The following TRRAP variants were observed in gnomAD, a reference collection of about 807,000 sequenced individuals.
TRRAP encodes the protein transformation/transcription domain associated protein.
A neutral mutation model predicts 438.8 loss-of-function variants in TRRAP; 41 were observed. That is an observed-to-expected ratio of 0.09 (90% confidence interval 0.07 to 0.12). The LOEUF (loss-of-function observed/expected upper bound fraction) is 0.12, where lower values mean the gene tolerates loss of function less well. Among genes scored for constraint, TRRAP ranks in the 10% least tolerant of loss-of-function variants. TRRAP has a pLI of 1.00. For synonymous variants in TRRAP, 1,994 were observed against 1,962.9 expected, an observed-to-expected ratio of 1.02 and a Z score of -0.42; for missense variants, 3,122 against 5,055.1, an observed-to-expected ratio of 0.62 and a Z score of 11.60.
chr7:98,880,966 A>G lies in TRRAP; in HGVS notation c.-61-124A>G, dbSNP rs78635431. 1.4e-3 allele frequency: 573 copies of G among 415,118 alleles called. 13 individuals are homozygous for G. In the East Asian group the frequency reaches 0.02, roughly 15 times the overall value. The allele number at this position is 415,118 out of a possible 1,614,324, so 25.7% of individuals were successfully genotyped here. The stretch of plus-strand genomic sequence containing the variant: ...CTTCATATTAAAAAAACCAGAAGGA[A>G]TAGTGTTAGATTCTGGATTAAGATG... On this transcript the variant is annotated intron_variant, in intron 1 of 72. Coordinates refer to ENST00000456197, the MANE Select transcript of TRRAP (RefSeq NM_001375524.1).
rs1794290494 is a variant in TRRAP at position 99,008,435 on chromosome 7, A to T, written c.10812A>T (p.Ser3604=). The T allele has an allele frequency of 6.2e-7, 1 of 1,612,986 alleles. No individual in the cohort carries two copies. ...GCCTCGTGGAGGACAACCCCTCTTCACTTTCCCTTGTGGAGATCTACAAGC... is the reference window on the plus strand; with the variant it reads ...GCCTCGTGGAGGACAACCCCTCTTCTCTTTCCCTTGTGGAGATCTACAAGC... The part of the protein sequence containing the change: ...QMRLVEDNPS[S]LSLVEIYKQR... Residue 3604 remains serine, a synonymous_variant, in exon 70 of 73, where the codon TCA becomes TCT. Transcript: ENST00000456197.
chr7:98,935,606 T>A lies in TRRAP; in HGVS notation c.4042T>A (p.Ser1348Thr). 2 of 1,603,006 alleles carry A rather than the reference T, an allele frequency of 1.2e-6. No homozygotes were observed. The highest frequency in any genetic ancestry group is 4.5e-5 in the East Asian group (2 of 44,554). ...GTTGAATTTGTGTGAGGCTGAAGAT[T>A]CAGCTTTAACAAAGCTGCCCTGTTA... Reference protein sequence around the residue: ...ELLNLCEAEDSALTKLPCYKS... With the variant: ...ELLNLCEAEDTALTKLPCYKS... The change falls in exon 28 of 73, where the codon TCA becomes ACA. Residue 1348 changes from serine to threonine, a missense_variant. By Grantham distance (58) the Ser-to-Thr change is moderately conservative. This residue lies in a region of TRRAP where 84 missense variants were observed against 119.8 expected (regional missense o/e 0.70). Coordinates refer to ENST00000456197, the MANE Select transcript of TRRAP (RefSeq NM_001375524.1).
chr7:98,938,738 A>AC (rs1554414890), intron 30 of TRRAP, among the ~76,000 whole-genome samples: 1 of 152,202 alleles, frequency 6.6e-6, no homozygotes, highest in Non-Finnish European at 1.5e-5. Flanking sequence ...TTCATTATAT[A>AC]CCATGATGCA....
intron 62 of TRRAP, among the ~76,000 whole-genome samples, chr7:98,987,074 C>T (rs1431406937): frequency 6.6e-6 from 1 of 152,128 alleles, no homozygotes; most frequent in Non-Finnish European, 1.5e-5. Flanking sequence ...CACTTGAGCC[C>T]AGGAGTTTGA....
At chr7:98,898,386 TGTATC>T (rs2116338823) in intron 8 of TRRAP, among the ~76,000 whole-genome samples, 1 of 152,352 alleles carries the variant, frequency 6.6e-6, no homozygotes, top group African/African-American at 2.4e-5. Flanking sequence ...CCGCAGGTAA[TGTATC>T]GTATATTTGT....
rs1259558725 is a variant in TRRAP, at chr7:98,994,877, A to G, written c.10309+29A>G. The G allele has an allele frequency of 6.2e-7, 1 of 1,604,632 alleles. No homozygotes were observed. Among genetic ancestry groups the G allele is most frequent in the Admixed American group, 1.7e-5 (1 of 59,708 alleles). On this transcript the variant is annotated intron_variant, in intron 67 of 72. Transcript: ENST00000456197. The surrounding 1 kb of genome is among the most constrained non-coding windows in gnomAD (Gnocchi z 4.8). ...AGTCTCCATTTTCCTTCCCTTCCATAGGGAGAATTGTGCACGCTGATTTCC... is the reference window on the plus strand; with the variant it reads ...AGTCTCCATTTTCCTTCCCTTCCATGGGGAGAATTGTGCACGCTGATTTCC...
At chr7:98,931,371 C>T in intron 25 of TRRAP, 34 bp from the exon 26 acceptor site, 1 of 1,604,788 alleles carries the variant, frequency 6.2e-7, no homozygotes, top group Non-Finnish European at 8.5e-7. Flanking sequence ...GTGGCATCGC[C>T]CTGCTTTCAT....
At chr7:98,973,831 G>A (rs945104401) in intron 53 of TRRAP, among the ~76,000 whole-genome samples, 2 of 152,320 alleles carry the variant, frequency 1.3e-5, no homozygotes, top group East Asian at 1.9e-4. Flanking sequence ...CTGGTGTGCC[G>A]CCCACTTGCT....
At chr7:99,003,600 G>A (rs139032825) in intron 67 of TRRAP, among the ~76,000 whole-genome samples, 10 of 152,310 alleles carry the variant, frequency 6.6e-5, no homozygotes, top group African/African-American at 2.4e-4. Context: ...TTGCCTCAAC[G>A]GCATTGTTCC....
chr7:98,965,956 CATCTTGGTCTTTCTGA>C lies in TRRAP; in HGVS notation c.7176+63_7176+78del, dbSNP rs1230614432. ...CAATAAAAGAAAATTCAAGCCTCAA[CATCTTGGTCTTTCTGA>C]AACTTGAAGCAAAACATTTTTTTCT... On this transcript the variant is annotated intron_variant, in intron 49 of 72. Coordinates refer to ENST00000456197, the MANE Select transcript of TRRAP (RefSeq NM_001375524.1). 7 of 1,573,398 alleles carry C rather than the reference CATCTTGGTCTTTCTGA, an allele frequency of 4.4e-6. No homozygotes were observed. The African/African-American group carries it at 8.1e-5, about 18-fold the overall frequency.
chr7:99,005,426 C>A lies in TRRAP; in HGVS notation c.10753+78C>A. On this transcript the variant is annotated intron_variant, in intron 69 of 72. Coordinates refer to ENST00000456197, the MANE Select transcript of TRRAP (RefSeq NM_001375524.1). The surrounding 1 kb of genome is among the most constrained non-coding windows in gnomAD (Gnocchi z 5.1). ...GATGAGAGCCACACCTCGTGGGGTGCACAGGCAGCTCACGTTAGCCTTTGA... is the reference window on the plus strand; with the variant it reads ...GATGAGAGCCACACCTCGTGGGGTGAACAGGCAGCTCACGTTAGCCTTTGA... 1 of 1,390,938 alleles carries A rather than the reference C, an allele frequency of 7.2e-7. No homozygotes were observed. The highest frequency in any genetic ancestry group is 1.0e-6 in the Non-Finnish European group (1 of 983,608). 86.2% of individuals were successfully genotyped at this position (1,390,938 alleles called of 1,614,324 possible).
In TRRAP at chr7:98,897,730, C is replaced by A. The variant is rs1554405993; in HGVS notation, c.508-11C>A. The A allele has an allele frequency of 1.2e-6, 2 of 1,604,186 alleles. No individual in the cohort carries two copies. Among genetic ancestry groups the A allele is most frequent in the African/African-American group, 1.3e-5 (1 of 74,188 alleles). ...ACTTTAGGAAAAAATATTTTTATGA[C>A]TTTTATGTAGAACCGCTACTTTGAG... On this transcript the variant is annotated splice_polypyrimidine_tract_variant and intron_variant, in intron 7 of 72. Transcript: ENST00000456197.
intron 53 of TRRAP, among the ~76,000 whole-genome samples, chr7:98,973,375 C>T (rs2116717333): frequency 6.6e-6 from 1 of 152,360 alleles, no homozygotes; most frequent in Non-Finnish European, 1.5e-5. Context: ...ATCACCACGT[C>T]ATCAGGTGCC....
At chr7:99,001,982 G>A (rs1410702061) in intron 67 of TRRAP, among the ~76,000 whole-genome samples, 8 of 152,190 alleles carry the variant, frequency 5.3e-5, no homozygotes, top group African/African-American at 1.7e-4. Flanking sequence ...ACACAGTAAC[G>A]TGGGTGAACC....
In TRRAP at chr7:98,935,246, T is replaced by A. The variant is rs201275634; in HGVS notation, c.4015-333T>A. Among the ~76,000 whole-genome samples the A allele has an allele frequency of 3.9e-5, 6 of 152,092 alleles. No homozygotes were observed. In the East Asian group the frequency reaches 1.2e-3, roughly 29 times the overall value. ...GATCTGAACCAGGAAGACACGGCCCTGCCATCATGGGATTTGCAGTTAGAT... is the reference window on the plus strand; with the variant it reads ...GATCTGAACCAGGAAGACACGGCCCAGCCATCATGGGATTTGCAGTTAGAT... On this transcript the variant is annotated intron_variant, in intron 27 of 72. Coordinates refer to ENST00000456197, the MANE Select transcript of TRRAP (RefSeq NM_001375524.1).
intron 67 of TRRAP, chr7:98,999,488 T>C (rs999415125): frequency 7.8e-6 from 6 of 772,258 alleles, no homozygotes; most frequent in South Asian, 4.3e-5. Flanking sequence ...TGAGAACTTA[T>C]CGTGAGCTCA....
intron 40 of TRRAP, among the ~76,000 whole-genome samples, chr7:98,954,562 G>A (rs1317236173): frequency 1.3e-5 from 2 of 152,172 alleles, no homozygotes; most frequent in African/African-American, 4.8e-5. Flanking sequence ...CGAGAACTCT[G>A]TGACCTTCTC....
At chr7:98,922,404 G>C (rs781895929) in intron 21 of TRRAP, among the ~76,000 whole-genome samples, 3 of 152,090 alleles carry the variant, frequency 2.0e-5, no homozygotes, top group Non-Finnish European at 4.4e-5. Flanking sequence ...AGAGATCCTC[G>C]TTTTTACTGT....
chr7:98,953,028 A>G lies in TRRAP; in HGVS notation c.5464-139A>G. 3 of 629,492 alleles carry G rather than the reference A, an allele frequency of 4.8e-6. 1 individual carries two copies. The highest frequency in any genetic ancestry group is 7.3e-5 in the Admixed American group (2 of 27,400). The allele number at this position is 629,492 out of a possible 1,614,324, so 39.0% of individuals were successfully genotyped here. A position where few individuals can be genotyped will look rare whatever the true frequency, so the allele number is the denominator to read the frequency against. ...TAACCTCCTTGTAAAACTTCATGTT[A>G]CATTGTGTGTGTGTGTGTGTGTGTG... On this transcript the variant is annotated intron_variant, in intron 39 of 72. Coordinates refer to ENST00000456197, the MANE Select transcript of TRRAP (RefSeq NM_001375524.1).
Sources: allele counts gnomAD v4.1 joint callset (sites outside exome capture counted in the v4.1 genomes callset), GRCh38; gene constraint gnomAD v4.1.1; regional missense constraint gnomAD v4.1.1; non-coding constraint Gnocchi (gnomAD v3.1); transcripts MANE v1.5; gene names NCBI Gene and HGNC (gene_info 2026-07-23, HGNC 2026-07-21).